Variants in PDCD10 observed in about 807,000 individuals in gnomAD.
PDCD10 encodes programmed cell death 10, also known as programmed cell death protein 10.
PDCD10 carries 4 observed loss-of-function variants against 29.2 expected under a neutral mutation model. The ratio of observed to expected loss-of-function variants is 0.14; its 90% confidence interval spans 0.07 to 0.31. The LOEUF is 0.31. Ranked by LOEUF, PDCD10 falls within the 10% of genes least tolerant of loss-of-function variation. The pLI, the probability that PDCD10 is intolerant of heterozygous loss-of-function variation, is 1.00. For missense variants in PDCD10, 183 were observed against 257.9 expected, an observed-to-expected ratio of 0.71 and a Z score of 1.99; for synonymous variants, 70 against 82.2, an observed-to-expected ratio of 0.85 and a Z score of 0.80.
At chr3:167,697,929 A>T in intron 4 of PDCD10, 1 of 456,672 alleles carries the variant, frequency 2.2e-6, no homozygotes, top group Non-Finnish European at 4.4e-6. Flanking sequence ...TTCCTGTAGG[A>T]TGCCTGCCAA....
intron 6 of PDCD10, among the ~76,000 whole-genome samples, chr3:167,693,348 C>A (rs979746366): frequency 6.6e-6 from 1 of 152,182 alleles, no homozygotes; most frequent in African/African-American, 2.4e-5. Context: ...CATTATTATT[C>A]TCTAAAGTTA....
chr3:167,732,602 T>C (rs143312224), intron 2 of PDCD10, among the ~76,000 whole-genome samples: 1 of 152,284 alleles, frequency 6.6e-6, no homozygotes, highest in East Asian at 1.9e-4. Context: ...AAAACTATAA[T>C]TGGCCTCAGA....
intron 4 of PDCD10, among the ~76,000 whole-genome samples, chr3:167,700,100 C>G (rs184659922): frequency 7.9e-4 from 120 of 152,226 alleles, no homozygotes; most frequent in Middle Eastern, 3.4e-3. Flanking sequence ...TATACAGATG[C>G]AATATTAAAT....
At chr3:167,694,389 C>G (rs984630804) in intron 6 of PDCD10, 7 of 178,988 alleles carry the variant, frequency 3.9e-5, no homozygotes, top group African/African-American at 1.7e-4. Context: ...AGAGGCTGGA[C>G]TCTCTTCAGT....
Position 167,702,994 on chromosome 3 carries a change from G to A in PDCD10, c.150+1848C>T, listed in dbSNP as rs1403060603. Among the ~76,000 whole-genome samples, 3 of 152,052 alleles carry A rather than the reference G, an allele frequency of 2.0e-5. No homozygotes were observed. In the East Asian group the frequency reaches 5.8e-4, roughly 29 times the overall value. Reference sequence around the variant, plus strand: ...ATTGTACTTAAGTGTTAGATAATTAGCTTATATGTTAGGATGTTACAAGAA... The same window carrying A: ...ATTGTACTTAAGTGTTAGATAATTAACTTATATGTTAGGATGTTACAAGAA... On this transcript the variant is annotated intron_variant, in intron 4 of 8. Coordinates refer to ENST00000392750, the MANE Select transcript of PDCD10 (RefSeq NM_007217.4).
intron 8 of PDCD10, 59 bp downstream of exon 8, chr3:167,687,175 C>T (rs1719716224): frequency 1.1e-6 from 1 of 875,402 alleles, no homozygotes; most frequent in African/African-American, 1.7e-5. Flanking sequence ...GTTTTCATAT[C>T]ATATAAAACC....
At chr3:167,696,768 C>A (rs186185196) in intron 5 of PDCD10, among the ~76,000 whole-genome samples, 61 of 152,182 alleles carry the variant, frequency 4.0e-4, no homozygotes, top group Non-Finnish European at 6.3e-4. Context: ...TTGAAGTATG[C>A]AGCATAAACA....
At chr3:167,689,202 T>A (rs1410301820) in intron 6 of PDCD10, among the ~76,000 whole-genome samples, 1 of 152,196 alleles carries the variant, frequency 6.6e-6, no homozygotes. Flanking sequence ...CATTTATGGC[T>A]TAAGTTGAAT....
intron 3 of PDCD10, among the ~76,000 whole-genome samples, chr3:167,708,535 C>A (rs1297645275): frequency 6.6e-6 from 1 of 152,036 alleles, no homozygotes; most frequent in East Asian, 1.9e-4. Flanking sequence ...CTAAACTGGG[C>A]CAACTTACAA....
chr3:167,725,263 G>GAAAAAAAAAAAAAAAAAAAAA (rs57762503), intron 2 of PDCD10: 1 of 30,188 alleles, frequency 3.3e-5, no homozygotes, highest in African/African-American at 1.1e-4. Flanking sequence ...TCTCAAAAAA[G>GAAAAAAAAAAAAAAAAAAAAA]AAAAAAAAAA....
intron 4 of PDCD10, among the ~76,000 whole-genome samples, chr3:167,701,936 G>A (rs1036977786): frequency 2.0e-5 from 3 of 152,150 alleles, no homozygotes; most frequent in African/African-American, 7.2e-5. Context: ...TCAAGATATG[G>A]ATATCAGAGA....
At chr3:167,719,647 T>C (rs529605572) in intron 3 of PDCD10, among the ~76,000 whole-genome samples, 7 of 152,210 alleles carry the variant, frequency 4.6e-5, no homozygotes, top group South Asian at 2.1e-4. Flanking sequence ...AATGGACTTA[T>C]CTCCAACTCT....
chr3:167,719,930 T>C (rs1467035286), intron 3 of PDCD10, 132 bp downstream of exon 3: 3 of 731,270 alleles, frequency 4.1e-6, no homozygotes, highest in Non-Finnish European at 7.4e-6. Flanking sequence ...TTTGCCCTGA[T>C]ACAATGCCTA....
intron 4 of PDCD10, 75 bp from the exon 5 acceptor site, chr3:167,697,201 G>T: frequency 1.2e-6 from 1 of 837,364 alleles, no homozygotes; most frequent in Non-Finnish European, 2.0e-6. Flanking sequence ...TAATTGTTTA[G>T]AATCTGTTGG....
chr3:167,733,274 A>C (rs545268803), intron 2 of PDCD10, among the ~76,000 whole-genome samples: 1 of 152,318 alleles, frequency 6.6e-6, no homozygotes, highest in East Asian at 1.9e-4. Flanking sequence ...AGTTATCACA[A>C]ATAAATTCTG....
At chr3:167,711,938 A>G (rs1394696590) in intron 3 of PDCD10, among the ~76,000 whole-genome samples, 1 of 152,178 alleles carries the variant, frequency 6.6e-6, no homozygotes, top group East Asian at 1.9e-4. Context: ...ATGAAGGAGA[A>G]ATAAAGACCT....
At chr3:167,687,187 CAT>C in intron 8 of PDCD10, 45 bp downstream of exon 8, 1 of 978,642 alleles carries the variant, frequency 1.0e-6, no homozygotes, top group Non-Finnish European at 1.6e-6. Flanking sequence ...TATAAAACCA[CAT>C]AATCTATTTA....
chr3:167,718,277 C>T (rs1328201499), intron 3 of PDCD10, among the ~76,000 whole-genome samples: 1 of 152,112 alleles, frequency 6.6e-6, no homozygotes, highest in Admixed American at 6.6e-5. Context: ...TTTCACACCT[C>T]TAGACCCTAA....
chr3:167,704,348 C>A (rs991091900), intron 4 of PDCD10, among the ~76,000 whole-genome samples: 1 of 152,116 alleles, frequency 6.6e-6, no homozygotes, highest in African/African-American at 2.4e-5. Flanking sequence ...CTGCCTCAGC[C>A]TCCTGAGTAG....
Sources: allele counts gnomAD v4.1 joint callset (sites outside exome capture counted in the v4.1 genomes callset), GRCh38; gene constraint gnomAD v4.1.1; transcripts MANE v1.5; gene names NCBI Gene and HGNC (gene_info 2026-07-23, HGNC 2026-07-21).